Variants in LRRC37A observed in about 807,000 individuals in gnomAD.
The protein encoded by LRRC37A is leucine-rich repeat-containing protein 37A.
In LRRC37A, 3 loss-of-function variants were observed where a neutral mutation model predicts 35.4. That is an observed-to-expected ratio of 0.08 (90% CI 0.04 to 0.22). LRRC37A has a LOEUF of 0.22. Ranked by LOEUF, LRRC37A falls within the 10% of genes least tolerant of loss-of-function variation. The pLI, the probability that LRRC37A is intolerant of heterozygous loss-of-function variation, is 1.00. For missense variants in LRRC37A, 67 were observed against 565.3 expected (o/e 0.12, Z 8.94); for synonymous variants, 23 against 215.0 (o/e 0.11, Z 7.81).
the LRRC37A span, among the ~76,000 whole-genome samples, chr17:46,264,038 A>G: frequency 6.6e-6 from 1 of 152,204 alleles, no homozygotes; most frequent in Admixed American, 6.5e-5. Flanking sequence ...AACATAAAAT[A>G]ATGAACCGAC....
At chr17:46,281,499 A>AAC in the LRRC37A span, among the ~76,000 whole-genome samples, 1 of 152,036 alleles carries the variant, frequency 6.6e-6, no homozygotes, top group Non-Finnish European at 1.5e-5. Flanking sequence ...AAGTGATCAC[A>AAC]GCTCACTGCA....
At chr17:46,289,503 T>A (rs1252622615), upstream of LRRC37A, among the ~76,000 whole-genome samples, 9 of 152,290 alleles carry the variant, frequency 5.9e-5, no homozygotes, top group South Asian at 4.1e-4. Context: ...TGACTTAAAA[T>A]TTTTTTAAAA....
At chr17:46,281,605 A>T in the LRRC37A span, among the ~76,000 whole-genome samples, 2 of 152,110 alleles carry the variant, frequency 1.3e-5, no homozygotes. Flanking sequence ...AATTTTTAAA[A>T]TTTTTGTAGA....
chr17:46,286,288 A>C, the LRRC37A span, among the ~76,000 whole-genome samples: 1 of 152,282 alleles, frequency 6.6e-6, no homozygotes, highest in Non-Finnish European at 1.5e-5. Flanking sequence ...AAAAAAATTT[A>C]TAAGAACACT....
At chr17:46,292,264 G>A (rs1179207724), upstream of LRRC37A, among the ~76,000 whole-genome samples, 17 of 76,202 alleles carry the variant, frequency 2.2e-4, 7 homozygotes, top group Non-Finnish European at 5.1e-4. Context: ...CCCAGGAGGC[G>A]GAGGTTGCAG....
At chr17:46,288,335 G>C (rs1330282245), upstream of LRRC37A, among the ~76,000 whole-genome samples, 1 of 138,704 alleles carries the variant, frequency 7.2e-6, no homozygotes, top group Admixed American at 7.7e-5. Flanking sequence ...TTTTGACGGA[G>C]CCTTGCTCTG....
At chr17:46,274,021 C>G in the LRRC37A span, among the ~76,000 whole-genome samples, 1 of 151,982 alleles carries the variant, frequency 6.6e-6, no homozygotes, top group Non-Finnish European at 1.5e-5. Flanking sequence ...CCTGAAGATT[C>G]TTCTCTGACG....
At chr17:46,266,800 G>A in the LRRC37A span, among the ~76,000 whole-genome samples, 6 of 151,906 alleles carry the variant, frequency 3.9e-5, no homozygotes, top group Non-Finnish European at 8.8e-5. Context: ...CCTTCCGTGA[G>A]GCCGCACACG....
chr17:46,250,900 TCTTCCTCTC>T, the LRRC37A span, among the ~76,000 whole-genome samples: 72 of 112,924 alleles, frequency 6.4e-4, 1 homozygote, highest in African/African-American at 1.8e-3. Flanking sequence ...TTCCTCTTCC[TCTTCCTCTC>T]CTTCCTCTTC....
chr17:46,314,534 G>C lies in LRRC37A; in HGVS notation c.2907-7788G>C, dbSNP rs769474832. Among the ~76,000 whole-genome samples, 5 of 78,446 alleles carry C rather than the reference G, an allele frequency of 6.4e-5. 1 individual carries two copies. The highest frequency in any genetic ancestry group is 1.6e-4 in the African/African-American group (5 of 30,802). 51.5% of individuals were successfully genotyped at this position (78,446 alleles called of 152,430 possible). A position where few individuals can be genotyped will look rare whatever the true frequency, so the allele number is the denominator to read the frequency against. ...TTCAGCACGTTTATCCGTTTATCAG[G>C]CTGCTCTCGAACTCCTAACCTCAGA... is the stretch of plus-strand genomic sequence containing the variant. On this transcript the variant is annotated intron_variant, in intron 5 of 13. Transcript: ENST00000320254.
At chr17:46,284,760 G>GATA in the LRRC37A span, among the ~76,000 whole-genome samples, 3 of 152,256 alleles carry the variant, frequency 2.0e-5, no homozygotes, top group Non-Finnish European at 4.4e-5. Context: ...TGTGATGTTA[G>GATA]ATAACATTCA....
chr17:46,291,122 A>G (rs2050053813), upstream of LRRC37A, among the ~76,000 whole-genome samples: 1 of 152,252 alleles, frequency 6.6e-6, no homozygotes, highest in African/African-American at 2.4e-5. Context: ...CTCTATTTAT[A>G]GAGAGAGACT....
the LRRC37A span, among the ~76,000 whole-genome samples, chr17:46,279,481 G>T: frequency 6.7e-6 from 1 of 149,886 alleles, no homozygotes; most frequent in African/African-American, 2.5e-5. Context: ...ACCGCACCTG[G>T]CCTTTTTTTT....
the LRRC37A span, chr17:46,260,495 T>C: frequency 1.2e-6 from 2 of 1,603,172 alleles, no homozygotes; most frequent in Non-Finnish European, 1.7e-6. Context: ...TGGCCCGCCA[T>C]ACTTCCTCTG....
chr17:46,309,303 T>C (rs1468811896), intron 5 of LRRC37A, among the ~76,000 whole-genome samples: 1 of 22,304 alleles, frequency 4.5e-5, no homozygotes, highest in Non-Finnish European at 1.5e-4. Flanking sequence ...CTCTTACAGA[T>C]GAAATCATGA....
At chr17:46,277,256 C>A in the LRRC37A span, among the ~76,000 whole-genome samples, 1 of 152,220 alleles carries the variant, frequency 6.6e-6, no homozygotes, top group African/African-American at 2.4e-5. Context: ...ACTATGCGGG[C>A]CCAGCCTAGG....
chr17:46,285,474 T>C, the LRRC37A span, among the ~76,000 whole-genome samples: 1 of 151,950 alleles, frequency 6.6e-6, no homozygotes, highest in South Asian at 2.1e-4. Context: ...ACTCCTGACC[T>C]CATGATTTGC....
the LRRC37A span, among the ~76,000 whole-genome samples, chr17:46,276,737 A>G: frequency 0.14 from 21,668 of 151,792 alleles, 1,901 homozygotes; most frequent in Non-Finnish European, 0.22. Context: ...CTAAAAATGC[A>G]ACAGCAAGTT....
chr17:46,290,714 T>A (rs1367774496), upstream of LRRC37A, among the ~76,000 whole-genome samples: 6 of 152,392 alleles, frequency 3.9e-5, no homozygotes, highest in African/African-American at 1.4e-4. Context: ...CCCAAAGTGC[T>A]GGGATTATAG....
Sources: gnomAD v4.1 joint callset for allele counts (sites outside exome capture counted in the v4.1 genomes callset) on GRCh38, gnomAD v4.1.1 for gene constraint, MANE v1.5 for transcripts, NCBI Gene and HGNC (gene_info 2026-07-23, HGNC 2026-07-21) for gene names.